The following ENOX1 variants were observed in gnomAD, a reference collection of about 807,000 sequenced individuals.
The protein encoded by ENOX1 is ecto-NOX disulfide-thiol exchanger 1.
ENOX1 carries 42 observed loss-of-function variants against 82.5 expected under a neutral mutation model. That is an observed-to-expected ratio of 0.51 (90% CI 0.40 to 0.66). ENOX1 has a LOEUF of 0.66. Ranked by LOEUF, ENOX1 falls within the 30% of genes least tolerant of loss-of-function variation. The probability of loss-of-function intolerance (pLI) is 0.00; values close to 1 mark genes in which losing one functional copy is unlikely to be tolerated. For synonymous variants in ENOX1, 271 were observed against 282.2 expected (o/e 0.96, Z 0.40); for missense variants, 608 against 811.6 (o/e 0.75, Z 3.05).
At chr13:43,462,623 C>A (rs1208536802) in intron 3 of ENOX1, among the ~76,000 whole-genome samples, 1 of 152,212 alleles carries the variant, frequency 6.6e-6, no homozygotes, top group Non-Finnish European at 1.5e-5. Flanking sequence ...TCTGTTATCA[C>A]TGGTGTGAAC....
chr13:43,306,715 C>G (rs1314159915), intron 11 of ENOX1, among the ~76,000 whole-genome samples: 1 of 152,194 alleles, frequency 6.6e-6, no homozygotes, highest in Non-Finnish European at 1.5e-5. Flanking sequence ...CTTTTTCCTC[C>G]CATCTTACAA....
chr13:43,240,572 A>G (rs1423527710), intron 14 of ENOX1, among the ~76,000 whole-genome samples: 2 of 152,226 alleles, frequency 1.3e-5, no homozygotes, highest in Non-Finnish European at 2.9e-5. Context: ...TGGAACTAAA[A>G]AAAAAAATCT....
At chr13:43,554,244 T>G (rs554467173) in intron 2 of ENOX1, among the ~76,000 whole-genome samples, 6 of 152,288 alleles carry the variant, frequency 3.9e-5, no homozygotes, top group African/African-American at 1.4e-4. Flanking sequence ...TGAGAATCCA[T>G]GTACACATTG....
intron 1 of ENOX1, among the ~76,000 whole-genome samples, chr13:43,784,602 T>C (rs889911651): frequency 2.0e-5 from 3 of 152,240 alleles, no homozygotes; most frequent in African/African-American, 7.2e-5. Context: ...TAAATTTTAT[T>C]CATCTTAAAA....
intron 1 of ENOX1, among the ~76,000 whole-genome samples, chr13:43,740,988 G>C (rs933476376): frequency 6.6e-6 from 1 of 151,956 alleles, no homozygotes; most frequent in Admixed American, 6.6e-5. Context: ...CAGTTCTCTC[G>C]GGTAAATATC....
At chr13:43,445,513 C>T (rs1034644723) in intron 3 of ENOX1, among the ~76,000 whole-genome samples, 4 of 152,060 alleles carry the variant, frequency 2.6e-5, no homozygotes, top group African/African-American at 9.7e-5. Context: ...GGAACATGGT[C>T]CAGGACTGCA....
chr13:43,449,824 G>A (rs1386529436), intron 3 of ENOX1, among the ~76,000 whole-genome samples: 2 of 152,088 alleles, frequency 1.3e-5, no homozygotes, highest in Non-Finnish European at 2.9e-5. Flanking sequence ...ATGCAAATGT[G>A]GGAAGGGAAG....
intron 2 of ENOX1, among the ~76,000 whole-genome samples, chr13:43,543,502 T>TA (rs1232814466): frequency 1.3e-5 from 2 of 151,990 alleles, no homozygotes; most frequent in African/African-American, 4.8e-5. Flanking sequence ...CGGTTTGTAG[T>TA]AAAAAATGAG....
intron 1 of ENOX1, among the ~76,000 whole-genome samples, chr13:43,719,529 TAAG>T (rs931329257): frequency 2.0e-5 from 3 of 152,066 alleles, no homozygotes; most frequent in South Asian, 2.1e-4. Context: ...AGATGAGAGA[TAAG>T]AAGATCACAC....
intron 9 of ENOX1, among the ~76,000 whole-genome samples, chr13:43,343,848 A>G (rs2049208367): frequency 6.6e-6 from 1 of 152,166 alleles, no homozygotes. Flanking sequence ...AGACACAGAT[A>G]GAGTGCCCAT....
At chr13:43,547,243 C>A (rs2079011373) in intron 2 of ENOX1, 2 of 152,200 alleles carry the variant, frequency 1.3e-5, no homozygotes, top group Non-Finnish European at 2.9e-5. Flanking sequence ...AGAAAGGTTT[C>A]TCCAACATAA....
At chr13:43,251,428 T>C (rs1161051381) in intron 14 of ENOX1, among the ~76,000 whole-genome samples, 1 of 152,216 alleles carries the variant, frequency 6.6e-6, no homozygotes, top group African/African-American at 2.4e-5. Context: ...CTAATGTATC[T>C]ACCTGCATAG....
intron 7 of ENOX1, among the ~76,000 whole-genome samples, chr13:43,357,570 A>C (rs1566594137): frequency 6.6e-6 from 1 of 152,210 alleles, no homozygotes; most frequent in Non-Finnish European, 1.5e-5. Context: ...GGAACTTAAC[A>C]AGTCAGCAGG....
chr13:43,626,464 C>A (rs1335500699), intron 2 of ENOX1, among the ~76,000 whole-genome samples: 1 of 151,766 alleles, frequency 6.6e-6, no homozygotes, highest in Non-Finnish European at 1.5e-5. Flanking sequence ...AAATTTCCCT[C>A]TCATCACTGC....
intron 16 of ENOX1, among the ~76,000 whole-genome samples, chr13:43,214,661 GT>G (rs1180334116): frequency 6.6e-6 from 1 of 152,098 alleles, no homozygotes; most frequent in Non-Finnish European, 1.5e-5. Flanking sequence ...AACAATACAA[GT>G]CTTGATATCT....
At chr13:43,340,063 A>G (rs372575407) in intron 9 of ENOX1, among the ~76,000 whole-genome samples, 4 of 152,350 alleles carry the variant, frequency 2.6e-5, no homozygotes, top group Non-Finnish European at 1.5e-5. Context: ...ACATAGCTCC[A>G]CTAGAGAGAG....
chr13:43,422,849 G>GA (rs1244051119), intron 3 of ENOX1, among the ~76,000 whole-genome samples: 4 of 151,904 alleles, frequency 2.6e-5, no homozygotes, highest in Admixed American at 6.6e-5. Flanking sequence ...TTTGCTTTTG[G>GA]AAAAAAATAT....
chr13:43,379,013 C>A (rs1432781387), intron 5 of ENOX1, among the ~76,000 whole-genome samples: 1 of 151,902 alleles, frequency 6.6e-6, no homozygotes, highest in Non-Finnish European at 1.5e-5. Context: ...AGAATTCAAC[C>A]CTCCATTACC....
At chr13:43,770,413 GA>G (rs1286175429) in intron 1 of ENOX1, among the ~76,000 whole-genome samples, 1 of 152,128 alleles carries the variant, frequency 6.6e-6, no homozygotes, top group Admixed American at 6.5e-5. Flanking sequence ...CAATTATAAA[GA>G]AAGAAATCCT....
Sources: gnomAD v4.1 joint callset for allele counts (sites outside exome capture counted in the v4.1 genomes callset) on GRCh38, gnomAD v4.1.1 for gene constraint, MANE v1.5 for transcripts, NCBI Gene and HGNC (gene_info 2026-07-23, HGNC 2026-07-21) for gene names.